Variants in CAST observed in about 807,000 individuals in gnomAD.
CAST encodes the protein calpastatin, also known as MIR583 host.
In CAST, 76 loss-of-function variants were observed where a neutral mutation model predicts 119.6. The observed-to-expected ratio is 0.64, with a 90% confidence interval of 0.53 to 0.77. The LOEUF is 0.77. Ranked by LOEUF, CAST falls within the 30% of genes least tolerant of loss-of-function variation. The pLI is 0.00. For missense variants in CAST, 953 were observed against 946.5 expected, an observed-to-expected ratio of 1.01 and a Z score of -0.09; for synonymous variants, 319 against 331.6, an observed-to-expected ratio of 0.96 and a Z score of 0.41.
At chr5:96,763,697 T>C (rs1279312274) in intron 25 of CAST, among the ~76,000 whole-genome samples, 1 of 152,202 alleles carries the variant, frequency 6.6e-6, no homozygotes, top group African/African-American at 2.4e-5. Flanking sequence ...AAATAAACCA[T>C]GATAATTCAC....
At chr5:96,614,722 C>G (rs1747422538) in intron 1 of CAST, among the ~76,000 whole-genome samples, 1 of 147,802 alleles carries the variant, frequency 6.8e-6, no homozygotes, top group Non-Finnish European at 1.5e-5. Flanking sequence ...CCAGATTACC[C>G]CTCTTCCTCA....
the CAST span, among the ~76,000 whole-genome samples, chr5:96,449,679 C>A: frequency 2.0e-5 from 3 of 152,224 alleles, no homozygotes; most frequent in African/African-American, 7.2e-5. Context: ...ACCCTAAATT[C>A]TCAGCCATTT....
chr5:96,268,757 A>G, the CAST span, among the ~76,000 whole-genome samples: 2 of 152,344 alleles, frequency 1.3e-5, no homozygotes, highest in Non-Finnish European at 2.9e-5. Context: ...TGAAACTGGA[A>G]ACCAAAAAAG....
At chr5:96,378,081 C>T in the CAST span, among the ~76,000 whole-genome samples, 25 of 152,110 alleles carry the variant, frequency 1.6e-4, no homozygotes, top group Non-Finnish European at 3.2e-4. Flanking sequence ...TACTGCATGA[C>T]TTCATTTATA....
the CAST span, among the ~76,000 whole-genome samples, chr5:96,228,489 T>C: frequency 6.6e-6 from 1 of 151,906 alleles, no homozygotes; most frequent in Non-Finnish European, 1.5e-5. Context: ...TCTACATGAA[T>C]AAATGGGTTA....
chr5:96,380,077 T>C, the CAST span, among the ~76,000 whole-genome samples: 2 of 152,190 alleles, frequency 1.3e-5, no homozygotes, highest in Admixed American at 6.5e-5. Flanking sequence ...TCTTAAATTA[T>C]CATGCGCACA....
At chr5:96,676,749 C>T (rs1750760431) in intron 2 of CAST, among the ~76,000 whole-genome samples, 1 of 150,568 alleles carries the variant, frequency 6.6e-6, no homozygotes, top group Non-Finnish European at 1.5e-5. Flanking sequence ...TTCTTTTTCC[C>T]AACATGAAAG....
chr5:96,232,359 C>T, the CAST span, among the ~76,000 whole-genome samples: 15 of 152,114 alleles, frequency 9.9e-5, no homozygotes, highest in South Asian at 6.2e-4. Flanking sequence ...ACTGGAAGTC[C>T]TAGTTAACAA....
the CAST span, among the ~76,000 whole-genome samples, chr5:96,300,770 A>G: frequency 6.8e-6 from 1 of 147,146 alleles, no homozygotes; most frequent in African/African-American, 2.5e-5. Context: ...AATTTTTTTC[A>G]TTAATGTTTT....
chr5:96,354,649 T>G, the CAST span, among the ~76,000 whole-genome samples: 1 of 150,400 alleles, frequency 6.6e-6, no homozygotes, highest in African/African-American at 2.4e-5. Flanking sequence ...TATTTACACA[T>G]GCTTATGTAC....
chr5:96,345,890 C>T, the CAST span, among the ~76,000 whole-genome samples: 1 of 152,186 alleles, frequency 6.6e-6, no homozygotes, highest in African/African-American at 2.4e-5. Flanking sequence ...AGATGAAAGT[C>T]AGGGTGTTTT....
the CAST span, among the ~76,000 whole-genome samples, chr5:96,010,618 A>AT: frequency 6.6e-6 from 1 of 152,074 alleles, no homozygotes; most frequent in Non-Finnish European, 1.5e-5. Flanking sequence ...AGCCTAGAAT[A>AT]TTTTTTTCTA....
At chr5:96,706,498 T>G (rs1274893889) in intron 3 of CAST, among the ~76,000 whole-genome samples, 1 of 152,220 alleles carries the variant, frequency 6.6e-6, no homozygotes, top group Non-Finnish European at 1.5e-5. Context: ...AGCCTGTTTT[T>G]CTGGGAATAT....
intron 13 of CAST, 180 bp downstream of exon 13, chr5:96,740,963 CAT>C: frequency 1.7e-6 from 1 of 603,438 alleles, no homozygotes. Context: ...TCCTGAGTCT[CAT>C]AAGTAGGTTT....
At chr5:96,475,287 T>C in the CAST span, among the ~76,000 whole-genome samples, 2 of 152,238 alleles carry the variant, frequency 1.3e-5, no homozygotes, top group African/African-American at 4.8e-5. Flanking sequence ...CATGGTAGCA[T>C]CTTCATCGAA....
At chr5:96,103,383 T>G in the CAST span, among the ~76,000 whole-genome samples, 1 of 131,600 alleles carries the variant, frequency 7.6e-6, no homozygotes, top group Non-Finnish European at 1.5e-5. Context: ...CAGAGTGTGA[T>G]GTTCCCCTTC....
At chr5:96,402,583 C>T in the CAST span, among the ~76,000 whole-genome samples, 4 of 152,316 alleles carry the variant, frequency 2.6e-5, no homozygotes, top group Admixed American at 2.6e-4. Flanking sequence ...GTTCGGGGCT[C>T]CCTCAGCAGT....
At chr5:96,399,776 G>T in the CAST span, among the ~76,000 whole-genome samples, 106 of 152,236 alleles carry the variant, frequency 7.0e-4, no homozygotes, top group African/African-American at 2.4e-3. Context: ...GGTTAACATG[G>T]TTTCTAGAGC....
chr5:96,750,743 ACT>A, intron 20 of CAST, 61 bp downstream of exon 20: 1 of 888,892 alleles, frequency 1.1e-6, no homozygotes. Flanking sequence ...TCCTCCTGTC[ACT>A]CTCTGCTGTG....
Sources: gnomAD v4.1 joint callset for allele counts (sites outside exome capture counted in the v4.1 genomes callset) on GRCh38, gnomAD v4.1.1 for gene constraint, MANE v1.5 for transcripts, NCBI Gene and HGNC (gene_info 2026-07-23, HGNC 2026-07-21) for gene names.